Variants in SLCO2B1 observed in about 807,000 individuals in gnomAD.
SLCO2B1 encodes OATP-RP2.
In SLCO2B1, 41 loss-of-function variants were observed where a neutral mutation model predicts 67.3. That is an observed-to-expected ratio of 0.61 (90% CI 0.47 to 0.79). SLCO2B1 has a LOEUF of 0.79. Among genes scored for constraint, SLCO2B1 ranks in the 30% least tolerant of loss-of-function variants. SLCO2B1 has a pLI of 0.00. For missense variants in SLCO2B1, 837 were observed against 920.1 expected (o/e 0.91, Z 1.17); for synonymous variants, 379 against 381.4 (o/e 0.99, Z 0.07).
At position 75,172,494 on chromosome 11, in the gene SLCO2B1, G is replaced by A. The variant is rs138672390; in HGVS notation, c.897G>A (p.Lys299=). ...LAAIPYFFFP[K]EMPKEKRELQ... Reference sequence around the variant, plus strand: ...CCATCCCCTACTTCTTCTTCCCCAAGGAAATGCCCAAGGAAAAACGTGAGC... The same window carrying A: ...CCATCCCCTACTTCTTCTTCCCCAAAGAAATGCCCAAGGAAAAACGTGAGC... Residue 299 remains lysine (K), a synonymous_variant, in exon 7 of 14, where the codon AAG becomes AAA. Transcript: ENST00000289575. 2.6e-4 allele frequency: 418 copies of A among 1,614,038 alleles called. No individual in the cohort carries two copies. Among genetic ancestry groups the A allele is most frequent in the Non-Finnish European group, 3.4e-4 (397 of 1,180,026 alleles).
chr11:75,183,628 G>A (rs1310345641), intron 7 of SLCO2B1, among the ~76,000 whole-genome samples: 1 of 152,146 alleles, frequency 6.6e-6, no homozygotes, highest in Non-Finnish European at 1.5e-5. Flanking sequence ...GGGCTCAAGT[G>A]ATGCTTCCAC....
At chr11:75,198,780 C>T (rs1461180829) in intron 10 of SLCO2B1, among the ~76,000 whole-genome samples, 2 of 152,180 alleles carry the variant, frequency 1.3e-5, no homozygotes, top group Non-Finnish European at 2.9e-5. Context: ...GTGCCCAGCA[C>T]AGCTGCTCAG....
At chr11:75,167,171 G>A (rs960294126) in intron 4 of SLCO2B1, among the ~76,000 whole-genome samples, 1 of 152,160 alleles carries the variant, frequency 6.6e-6, no homozygotes, top group Non-Finnish European at 1.5e-5. Context: ...AGAGAAGGTG[G>A]GAGTTGCAGG....
At chr11:75,187,889 C>T (rs966077994) in intron 7 of SLCO2B1, among the ~76,000 whole-genome samples, 7 of 152,194 alleles carry the variant, frequency 4.6e-5, no homozygotes, top group Non-Finnish European at 7.3e-5. Flanking sequence ...GTCATGACAA[C>T]TAACCCATGT....
At chr11:75,176,235 C>T (rs1299645308) in intron 7 of SLCO2B1, among the ~76,000 whole-genome samples, 1 of 152,140 alleles carries the variant, frequency 6.6e-6, no homozygotes, top group Non-Finnish European at 1.5e-5. Flanking sequence ...CCCATTCAGC[C>T]AGCAACTCTC....
At chr11:75,198,944 G>A (rs915155221) in intron 10 of SLCO2B1, among the ~76,000 whole-genome samples, 41 of 152,202 alleles carry the variant, frequency 2.7e-4, no homozygotes, top group African/African-American at 8.7e-4. Context: ...GGAATTAGAT[G>A]AATGTGAAGG....
chr11:75,175,826 A>G (rs981348684), intron 7 of SLCO2B1, among the ~76,000 whole-genome samples: 10 of 152,192 alleles, frequency 6.6e-5, no homozygotes, highest in Non-Finnish European at 8.8e-5. Context: ...GACAAATGAC[A>G]GCTCAGATTT....
chr11:75,194,137 T>C (rs915986983), intron 9 of SLCO2B1, among the ~76,000 whole-genome samples: 17 of 152,170 alleles, frequency 1.1e-4, no homozygotes, highest in African/African-American at 4.1e-4. Context: ...ATTCTGATAT[T>C]CCACGACTCT....
intron 1 of SLCO2B1, 147 bp from the exon 2 acceptor site, chr11:75,162,508 A>G: frequency 1.1e-6 from 1 of 875,102 alleles, no homozygotes; most frequent in South Asian, 1.8e-5. Flanking sequence ...GGAAGGCTGA[A>G]GGTGATTTGA....
At chr11:75,178,939 A>G (rs1041773869) in intron 7 of SLCO2B1, among the ~76,000 whole-genome samples, 3 of 152,194 alleles carry the variant, frequency 2.0e-5, no homozygotes, top group African/African-American at 7.2e-5. Flanking sequence ...TCACAATGAC[A>G]GGATTTCCTT....
At chr11:75,152,222 A>G (rs1277151686) in intron 1 of SLCO2B1, 1 of 152,326 alleles carries the variant, frequency 6.6e-6, no homozygotes, top group East Asian at 1.9e-4. Context: ...GAAACAAAGG[A>G]TCTTTCTACT....
chr11:75,154,703 G>A (rs1385030247), intron 1 of SLCO2B1, among the ~76,000 whole-genome samples: 2 of 152,212 alleles, frequency 1.3e-5, no homozygotes, highest in African/African-American at 4.8e-5. Flanking sequence ...GCCTGTGCCT[G>A]GTGAACACAG....
chr11:75,157,592 G>A (rs112753970), intron 1 of SLCO2B1, among the ~76,000 whole-genome samples: 3 of 152,246 alleles, frequency 2.0e-5, no homozygotes, highest in Middle Eastern at 3.4e-3. Context: ...AGCTGGGCCC[G>A]ATTGCCTCAG....
At position 75,188,118 on chromosome 11, in the gene SLCO2B1, G is replaced by T. The variant is rs975709271; in HGVS notation, c.973-18G>T. The T allele has an allele frequency of 1.9e-6, 3 of 1,596,484 alleles. No individual in the cohort carries two copies. The highest frequency in any genetic ancestry group is 1.3e-5 in the African/African-American group (1 of 74,578). On this transcript the variant is annotated intron_variant, in intron 7 of 13. Coordinates refer to ENST00000289575, the MANE Select transcript of SLCO2B1 (RefSeq NM_007256.5). ...GCTGGCATCCAGCGGACTGTCCTTGGTTTTGTGTCTCCTTCAGGGCAAGGA... is the reference window on the plus strand; with the variant it reads ...GCTGGCATCCAGCGGACTGTCCTTGTTTTTGTGTCTCCTTCAGGGCAAGGA...
chr11:75,163,917 T>TC, intron 2 of SLCO2B1, 46 bp from the exon 3 acceptor site: 1 of 1,554,314 alleles, frequency 6.4e-7, no homozygotes, highest in Non-Finnish European at 8.7e-7. Context: ...CCTCTTTGTC[T>TC]CCCCCTGCAC....
At chr11:75,178,777 C>CT (rs1950057254) in intron 7 of SLCO2B1, among the ~76,000 whole-genome samples, 1 of 152,236 alleles carries the variant, frequency 6.6e-6, no homozygotes, top group East Asian at 1.9e-4. Context: ...TATCCTTTGA[C>CT]TAACAACTTG....
At chr11:75,160,354 A>C (rs1949803626) in intron 1 of SLCO2B1, among the ~76,000 whole-genome samples, 1 of 152,240 alleles carries the variant, frequency 6.6e-6, no homozygotes, top group South Asian at 2.1e-4. Context: ...GCTAACCAGC[A>C]AAGCTAGTTC....
rs557372166 is a variant in SLCO2B1 at position 75,193,051 on chromosome 11, G to A, written c.1076-167G>A. 3.5e-4 allele frequency among the ~76,000 whole-genome samples: 54 copies of A among 152,282 alleles called. No individual in the cohort carries two copies. Among genetic ancestry groups the A allele is most frequent in the African/African-American group, 1.2e-3 (51 of 41,566 alleles). On this transcript the variant is annotated intron_variant, in intron 8 of 13. Transcript: ENST00000289575. This position sits in a 1 kb window ranked among gnomAD's most constrained non-coding sequence, Gnocchi z 4.2. The stretch of plus-strand genomic sequence containing the variant: ...GAGAGAGAAAAAAAAAGGGACTAGA[G>A]TAAATGGAATGGAGTCAAGTGGGAT...
At chr11:75,154,785 CGG>C (rs1292808240) in intron 1 of SLCO2B1, among the ~76,000 whole-genome samples, 2 of 152,204 alleles carry the variant, frequency 1.3e-5, no homozygotes, top group Non-Finnish European at 2.9e-5. Context: ...AGCCTGAAGA[CGG>C]TCATTTGGGT....
Sources: gnomAD v4.1 joint callset for allele counts (sites outside exome capture counted in the v4.1 genomes callset) on GRCh38, gnomAD v4.1.1 for gene constraint, Gnocchi (gnomAD v3.1) non-coding constraint, MANE v1.5 for transcripts, NCBI Gene and HGNC (gene_info 2026-07-23, HGNC 2026-07-21) for gene names.